Variants in LAMA2 observed in about 807,000 individuals in gnomAD.
LAMA2 encodes the protein laminin subunit alpha-2.
In LAMA2, 269 loss-of-function variants were observed where a neutral mutation model predicts 364.8. That is an observed-to-expected ratio of 0.74 (90% CI 0.67 to 0.82). The LOEUF is 0.82. Ranked by LOEUF, LAMA2 falls within the 40% of genes least tolerant of loss-of-function variation. LAMA2 has a pLI of 0.00. For synonymous variants in LAMA2, 1,379 were observed against 1,370.6 expected, an observed-to-expected ratio of 1.01 and a Z score of -0.14; for missense variants, 3,807 against 3,873.2, an observed-to-expected ratio of 0.98 and a Z score of 0.45.
chr6:128,950,307 A>G (rs934128462), intron 1 of LAMA2, among the ~76,000 whole-genome samples: 20 of 152,268 alleles, frequency 1.3e-4, no homozygotes, highest in African/African-American at 4.6e-4. Flanking sequence ...TTCAAAGCAG[A>G]AGGGTAAAGG....
intron 54 of LAMA2, 59 bp downstream of exon 54, chr6:129,478,872 G>A (rs1203306157): frequency 4.8e-6 from 7 of 1,455,242 alleles, no homozygotes; most frequent in Admixed American, 1.7e-5. Context: ...CTTACTTAGT[G>A]TGGCTGCTCC....
intron 3 of LAMA2, 29 bp from the exon 4 acceptor site, chr6:129,098,144 A>C: frequency 6.2e-7 from 1 of 1,612,038 alleles, no homozygotes; most frequent in Non-Finnish European, 8.5e-7. Context: ...TGGGAATTCA[A>C]TGTTATTGTT....
At chr6:129,307,725 A>G (rs1773967339) in intron 22 of LAMA2, among the ~76,000 whole-genome samples, 1 of 152,258 alleles carries the variant, frequency 6.6e-6, no homozygotes, top group Admixed American at 6.5e-5. Flanking sequence ...GTAAAAACTA[A>G]GAAGAGGCTG....
At chr6:128,899,482 G>A (rs1582628079) in intron 1 of LAMA2, among the ~76,000 whole-genome samples, 1 of 152,110 alleles carries the variant, frequency 6.6e-6, no homozygotes, top group Non-Finnish European at 1.5e-5. Context: ...GTCTTTCATT[G>A]TTTCTGTTGC....
At chr6:129,456,695 TG>T (rs1433104782) in intron 48 of LAMA2, among the ~76,000 whole-genome samples, 1 of 152,198 alleles carries the variant, frequency 6.6e-6, no homozygotes, top group Non-Finnish European at 1.5e-5. Flanking sequence ...TTTAAGCCTA[TG>T]TGTATTTATT....
At chr6:129,364,068 G>A (rs967957516) in intron 32 of LAMA2, among the ~76,000 whole-genome samples, 1 of 152,146 alleles carries the variant, frequency 6.6e-6, no homozygotes, top group African/African-American at 2.4e-5. Flanking sequence ...AGCATCAGGA[G>A]CTTGCAAAGC....
chr6:129,160,863 A>G (rs984313471), intron 8 of LAMA2, among the ~76,000 whole-genome samples: 2 of 151,934 alleles, frequency 1.3e-5, no homozygotes, highest in Non-Finnish European at 2.9e-5. Flanking sequence ...TTTGATTTCT[A>G]CACTGGATGT....
At chr6:128,980,400 G>A (rs532579645) in intron 1 of LAMA2, among the ~76,000 whole-genome samples, 31 of 152,244 alleles carry the variant, frequency 2.0e-4, no homozygotes, top group African/African-American at 7.0e-4. Flanking sequence ...ATTACTGTTA[G>A]CAAAATGTGT....
rs181925664 is a variant in LAMA2, at chr6:128,918,202, T to G, written c.112+34845T>G. Among the ~76,000 whole-genome samples the G allele has an allele frequency of 5.3e-5, 8 of 152,288 alleles. No individual in the cohort carries two copies. The East Asian group carries it at 1.5e-3, about 29-fold the overall frequency. Reference sequence around the variant, plus strand: ...ATAATTATTCTTCTTCCCAAAGTAATGATGTTTACCAAAACACTGGTAACA... The same window carrying G: ...ATAATTATTCTTCTTCCCAAAGTAAGGATGTTTACCAAAACACTGGTAACA... On this transcript the variant is annotated intron_variant, in intron 1 of 64. Coordinates refer to ENST00000421865, the MANE Select transcript of LAMA2 (RefSeq NM_000426.4).
intron 34 of LAMA2, among the ~76,000 whole-genome samples, chr6:129,373,432 G>A (rs1778198330): frequency 6.6e-6 from 1 of 152,054 alleles, no homozygotes; most frequent in African/African-American, 2.4e-5. Context: ...TCTTACATTA[G>A]CATGGTACAT....
intron 28 of LAMA2, among the ~76,000 whole-genome samples, chr6:129,326,544 T>C (rs1296159045): frequency 6.6e-6 from 1 of 151,836 alleles, no homozygotes; most frequent in East Asian, 1.9e-4. Context: ...GGAAACTTCC[T>C]CTCAATTTGT....
At chr6:129,008,478 A>G (rs1011904688) in intron 1 of LAMA2, among the ~76,000 whole-genome samples, 11 of 152,134 alleles carry the variant, frequency 7.2e-5, no homozygotes, top group Non-Finnish European at 1.2e-4. Context: ...ACCCTGGGAG[A>G]GTGGAAATAT....
intron 4 of LAMA2, among the ~76,000 whole-genome samples, chr6:129,131,761 T>G (rs1777486746): frequency 6.6e-6 from 1 of 152,202 alleles, no homozygotes. Context: ...AAAATTGTTG[T>G]TGTCCTATAA....
chr6:128,895,446 C>G (rs1041616062), intron 1 of LAMA2, among the ~76,000 whole-genome samples: 1 of 112,812 alleles, frequency 8.9e-6, no homozygotes, highest in South Asian at 2.9e-4. Flanking sequence ...TCCTGGCTAA[C>G]ATGGTGAAAC....
chr6:129,391,766 C>T (rs1779335429), intron 36 of LAMA2, 113 bp downstream of exon 36: 2 of 854,322 alleles, frequency 2.3e-6, no homozygotes, highest in Admixed American at 4.2e-5. Flanking sequence ...TTTTTCCAAC[C>T]TGGAGATATT....
intron 12 of LAMA2, among the ~76,000 whole-genome samples, chr6:129,228,947 G>T (rs1309095730): frequency 2.6e-5 from 4 of 152,120 alleles, no homozygotes; most frequent in Admixed American, 6.5e-5. Flanking sequence ...CTCCTCTTAT[G>T]TATTCATTGT....
At chr6:129,430,604 T>A (rs1256841532) in intron 41 of LAMA2, among the ~76,000 whole-genome samples, 3 of 152,206 alleles carry the variant, frequency 2.0e-5, no homozygotes, top group Non-Finnish European at 1.5e-5. Flanking sequence ...TACAAATTGA[T>A]GACTGAAAGA....
rs1776317164 is a variant in LAMA2 at position 129,342,382 on chromosome 6, T to C, written c.4351T>C (p.Cys1451Arg). ...HHTAGDFCER[C>R]ALGYYGIVKG... ...CACTGCTGGTGACTTCTGTGAACGA[T>C]GTGCTCTTGGATACTATGGAATTGT... Residue 1451 changes from cysteine to arginine, a missense_variant, in exon 30 of 65, where the codon TGT (cysteine) becomes CGT (arginine). Physicochemically the swap from Cys to Arg is radical, Grantham distance 180. Around this residue, in one of 3 missense-constraint regions of LAMA2, gnomAD observed 3,333 missense variants for 3,345.7 expected, o/e 1.00. Transcript: ENST00000421865. The C allele has an allele frequency of 5.6e-6, 9 of 1,613,462 alleles. No homozygotes were observed. The highest frequency in any genetic ancestry group is 7.6e-6 in the Non-Finnish European group (9 of 1,179,462).
chr6:129,288,044 C>A lies in LAMA2; in HGVS notation c.2735C>A (p.Ala912Glu), dbSNP rs376580266. 3 of 1,613,550 alleles carry A rather than the reference C, an allele frequency of 1.9e-6. No homozygotes were observed. The highest frequency in any genetic ancestry group is 1.3e-5 in the African/African-American group (1 of 74,874). Residue 912 changes from alanine (A) to glutamate (E), a missense_variant, in exon 19 of 65, where the codon GCG becomes GAG. Physicochemically the swap from Ala to Glu is moderately radical, Grantham distance 107. Transcript: ENST00000421865. ...GGATATTTTGGAGATGCAGTTGATG[C>A]GAAGAACTGTCAGCGTAAGTCCTGA... ...ADGYFGDAVDAKNCQPCRCNA... is the reference protein window; with the variant it reads ...ADGYFGDAVDEKNCQPCRCNA...
Sources: allele counts gnomAD v4.1 joint callset (sites outside exome capture counted in the v4.1 genomes callset), GRCh38; gene constraint gnomAD v4.1.1; regional missense constraint gnomAD v4.1.1; transcripts MANE v1.5; gene names NCBI Gene and HGNC (gene_info 2026-07-23, HGNC 2026-07-21).